The following SLC6A12 variants were observed in gnomAD, a reference collection of about 807,000 sequenced individuals.
The protein encoded by SLC6A12 is sodium- and chloride-dependent betaine transporter.
Under a neutral mutation model 73.3 loss-of-function variants are expected in SLC6A12, and 50 were observed. That is an observed-to-expected ratio of 0.68 (90% CI 0.54 to 0.86). The LOEUF is 0.86. SLC6A12 is among the 40% of genes least tolerant of loss of function. SLC6A12 has a pLI of 0.00. For synonymous variants in SLC6A12, 304 were observed against 309.2 expected (o/e 0.98, Z 0.18); for missense variants, 648 against 772.8 (o/e 0.84, Z 1.92).
chr12:210,034 G>A lies in SLC6A12; in HGVS notation c.-48C>T, dbSNP rs1288871434. The A allele has an allele frequency of 3.7e-6, 6 of 1,605,598 alleles. No individual in the cohort carries two copies. Among genetic ancestry groups the A allele is most frequent in the Non-Finnish European group, 5.1e-6 (6 of 1,174,366 alleles). Reference sequence around the variant, plus strand: ...CCCCGCTGGGTGGGCAGGATGACGAGGGCCAAAGCCTGGTGGGAAGAGAAG... The same window carrying A: ...CCCCGCTGGGTGGGCAGGATGACGAAGGCCAAAGCCTGGTGGGAAGAGAAG... On this transcript the variant is annotated 5_prime_UTR_variant, in exon 3 of 16. Coordinates refer to ENST00000684302, the MANE Select transcript of SLC6A12 (RefSeq NM_001122848.3).
intron 9 of SLC6A12, 97 bp from the exon 10 acceptor site, chr12:197,598 G>A: frequency 1.5e-6 from 2 of 1,318,584 alleles, no homozygotes; most frequent in Middle Eastern, 2.0e-4. Context: ...ACAGTGAGAG[G>A]GGACCAAGGA....
chr12:197,186 CAT>C (rs1939954293), intron 10 of SLC6A12, among the ~76,000 whole-genome samples, 189 bp downstream of exon 10: 1 of 83,278 alleles, frequency 1.2e-5, no homozygotes, highest in Non-Finnish European at 2.6e-5. Context: ...TCCATCCATC[CAT>C]CCATCCATTC....
At chr12:199,817 G>GTTC (rs1940116133) in intron 7 of SLC6A12, 1 of 152,060 alleles carries the variant, frequency 6.6e-6, no homozygotes, top group Non-Finnish European at 1.5e-5. Context: ...TTCTTGGTGG[G>GTTC]AACCCCTTCA....
downstream of SLC6A12, among the ~76,000 whole-genome samples, chr12:185,501 A>AGTGAGATG (rs1431189435): frequency 1.3e-5 from 2 of 152,158 alleles, no homozygotes; most frequent in Non-Finnish European, 2.9e-5. Flanking sequence ...TCTGTGTGTT[A>AGTGAGATG]GTGAGATGTG....
intron 7 of SLC6A12, among the ~76,000 whole-genome samples, chr12:200,316 G>A (rs989253160): frequency 1.3e-5 from 2 of 151,722 alleles, no homozygotes; most frequent in Admixed American, 6.6e-5. Flanking sequence ...TACCGTGTTA[G>A]CCAGGATGGT....
rs1475863358 is a variant in SLC6A12 at position 202,772 on chromosome 12, G to A, written c.458C>T (p.Pro153Leu). ...CCAAAAGTTGTTGCAGGTCGTCCAGGGCAGCTCAGAAGTGAAGGAGCTGAA... is the reference window on the plus strand; with the variant it reads ...CCAAAAGTTGTTGCAGGTCGTCCAGAGCAGCTCAGAAGTGAAGGAGCTGAA... Reference protein sequence around the residue: ...YLFSSFTSELPWTTCNNFWNT... With the variant: ...YLFSSFTSELLWTTCNNFWNT... Residue 153 changes from proline to leucine, a missense_variant, in exon 5 of 16, where the codon CCC becomes CTC. Coordinates refer to ENST00000684302, the MANE Select transcript of SLC6A12 (RefSeq NM_001122848.3). 1.2e-6 allele frequency: 2 copies of A among 1,613,986 alleles called. No homozygotes were observed. Among genetic ancestry groups the A allele is most frequent in the South Asian group, 1.1e-5 (1 of 91,064 alleles).
At chr12:202,548 CA>C (rs1940326326) in intron 5 of SLC6A12, among the ~76,000 whole-genome samples, 191 bp downstream of exon 5, 1 of 152,206 alleles carries the variant, frequency 6.6e-6, no homozygotes, top group African/African-American at 2.4e-5. Context: ...TTCTCCCAAC[CA>C]CACTGACTCG....
At chr12:187,115 T>G (rs1313848594), downstream of SLC6A12, among the ~76,000 whole-genome samples, 1 of 152,212 alleles carries the variant, frequency 6.6e-6, no homozygotes, top group East Asian at 1.9e-4. Context: ...GGGCTTCTGC[T>G]GCAAAAATCA....
intron 12 of SLC6A12, 142 bp from the exon 13 acceptor site, chr12:195,469 G>T: frequency 1.6e-6 from 1 of 633,454 alleles, no homozygotes; most frequent in Admixed American, 2.4e-5. Context: ...AAAGGAGTTT[G>T]CCCTGTCTGC....
rs1364242642 is a variant in SLC6A12, at chr12:209,767, A to T, written c.214+6T>A. Reference sequence around the variant, plus strand: ...CCCCACCATGCCTACCTCAAAGTGAACTCACCACCTCCGTTTTTGTAGCAG... The same window carrying T: ...CCCCACCATGCCTACCTCAAAGTGATCTCACCACCTCCGTTTTTGTAGCAG... On this transcript the variant is annotated splice_donor_region_variant and intron_variant, in intron 3 of 15. Coordinates refer to ENST00000684302, the MANE Select transcript of SLC6A12 (RefSeq NM_001122848.3). 2 of 1,613,684 alleles carry T rather than the reference A, an allele frequency of 1.2e-6. No homozygotes were observed. The highest frequency in any genetic ancestry group is 2.7e-5 in the African/African-American group (2 of 74,768).
chr12:203,068 T>C (rs1382337215), intron 4 of SLC6A12, among the ~76,000 whole-genome samples, 188 bp from the exon 5 acceptor site: 23 of 137,076 alleles, frequency 1.7e-4, no homozygotes, highest in Admixed American at 5.0e-4. Flanking sequence ...TCTTTTTTTT[T>C]TTTTTTTTTT....
chr12:207,383 G>A (rs183178197), intron 3 of SLC6A12, among the ~76,000 whole-genome samples: 11 of 152,288 alleles, frequency 7.2e-5, no homozygotes, highest in East Asian at 3.9e-4. Flanking sequence ...CTCACAACCC[G>A]GATAATGGGA....
chr12:185,071 C>A, the SLC6A12 span, among the ~76,000 whole-genome samples: 68 of 152,314 alleles, frequency 4.5e-4, 1 homozygote, highest in East Asian at 5.0e-3. Flanking sequence ...GAATCATGAT[C>A]GGAGACATAA....
At chr12:185,130 A>T (rs1447849808), downstream of SLC6A12, among the ~76,000 whole-genome samples, 2 of 152,186 alleles carry the variant, frequency 1.3e-5, no homozygotes, top group Non-Finnish European at 2.9e-5. Context: ...AAACACCCTA[A>T]AGAACCAAGA....
chr12:204,589 C>T lies in SLC6A12; in HGVS notation c.324G>A (p.Trp108Ter). Residue 108 changes from tryptophan (W) to a stop codon, truncating the protein, a stop_gained, in exon 4 of 16, where the codon TGG becomes TGA. Coordinates refer to ENST00000684302, the MANE Select transcript of SLC6A12 (RefSeq NM_001122848.3). LOFTEE classifies it high-confidence loss of function. ...CCTGGAAGAGGGGGCAGATCTTCCT[C>T]CAGGCTGTGACACTCCCTTGGCTGG... ...QYTSQGSVTA[W>*]RKICPLFQGI... 6.2e-7 allele frequency: 1 copy of T among 1,614,164 alleles called. No homozygotes were observed. The highest frequency in any genetic ancestry group is 8.5e-7 in the Non-Finnish European group (1 of 1,179,990).
chr12:185,212 C>T (rs1463352144), downstream of SLC6A12, among the ~76,000 whole-genome samples: 1 of 152,258 alleles, frequency 6.6e-6, no homozygotes, highest in African/African-American at 2.4e-5. Context: ...CTCCGGACAG[C>T]TGGCCGGGTA....
At chr12:191,359 G>C (rs1293439445) in intron 15 of SLC6A12, 148 bp from the exon 16 acceptor site, 4 of 614,190 alleles carry the variant, frequency 6.5e-6, no homozygotes, top group Middle Eastern at 4.8e-4. Context: ...ACCGTTTGAG[G>C]TGAGAAGGGA....
Position 198,935 on chromosome 12 carries a change from G to A in SLC6A12, c.712-4C>T. The A allele has an allele frequency of 1.9e-6, 3 of 1,614,032 alleles. No homozygotes were observed. Among genetic ancestry groups the A allele is most frequent in the Non-Finnish European group, 2.5e-6 (3 of 1,179,922 alleles). On this transcript the variant is annotated splice_polypyrimidine_tract_variant and splice_region_variant and intron_variant, in intron 7 of 15. Transcript: ENST00000684302. The surrounding 1 kb of genome is among the most constrained non-coding windows in gnomAD (Gnocchi z 4.0). ...ACGTGGCTGTGAAATAAACCACCTG[G>A]AGGTGGGGGGACAGGCCAAGGTCAC... is the stretch of plus-strand genomic sequence containing the variant.
Position 197,514 on chromosome 12 carries a change from G to A in SLC6A12, c.951-13C>T. On this transcript the variant is annotated splice_polypyrimidine_tract_variant and intron_variant, in intron 9 of 15. Coordinates refer to ENST00000684302, the MANE Select transcript of SLC6A12 (RefSeq NM_001122848.3). The stretch of plus-strand genomic sequence containing the variant: ...GGCGATGCAGTCCCTGTGGGAGTGG[G>A]GCAAGGGCAGACAGGAACGGGGAGG... The A allele has an allele frequency of 6.2e-7, 1 of 1,610,372 alleles. No homozygotes were observed. The highest frequency in any genetic ancestry group is 8.5e-7 in the Non-Finnish European group (1 of 1,178,300).
Sources: allele counts gnomAD v4.1 joint callset (sites outside exome capture counted in the v4.1 genomes callset), GRCh38; gene constraint gnomAD v4.1.1; non-coding constraint Gnocchi (gnomAD v3.1); transcripts MANE v1.5; gene names NCBI Gene and HGNC (gene_info 2026-07-23, HGNC 2026-07-21).